The following GSN variants were observed in gnomAD, a reference collection of about 807,000 sequenced individuals.
GSN encodes gelsolin.
GSN carries 56 observed loss-of-function variants against 85.7 expected under a neutral mutation model. The observed-to-expected ratio is 0.65, with a 90% CI of 0.53 to 0.82. The LOEUF is 0.82. Among genes scored for constraint, GSN ranks in the 40% least tolerant of loss-of-function variants. GSN has a pLI of 0.00. For synonymous variants in GSN, 373 were observed against 399.1 expected (o/e 0.93, Z 0.78); for missense variants, 857 against 979.8 (o/e 0.87, Z 1.67).
At chr9:121,239,042 A>G (rs2054550608) in intron 5 of GSN, 2 of 439,334 alleles carry the variant, frequency 4.6e-6, no homozygotes, top group Admixed American at 5.1e-5. Flanking sequence ...CAGTTCAGAG[A>G]TGGGTGAATG....
rs1019405069 is a variant in GSN, at chr9:121,237,822, T to C, written c.-389+6519T>C. On this transcript the variant is annotated intron_variant, in intron 5 of 24. Transcript: ENST00000373823. ...GATAATGAGGACATTATTAGGTAAC[T>C]AACTATATCACTGTGTACAATGCAA... Among the ~76,000 whole-genome samples, 4 of 152,352 alleles carry C rather than the reference T, an allele frequency of 2.6e-5. No homozygotes were observed. The South Asian group carries it at 8.3e-4, about 32-fold the overall frequency.
chr9:121,275,925 G>A (rs1040956671), intron 1 of GSN, among the ~76,000 whole-genome samples: 4 of 152,146 alleles, frequency 2.6e-5, no homozygotes, highest in African/African-American at 7.2e-5. Flanking sequence ...ATGGCCCTTG[G>A]AATGTTTGGG....
intron 2 of GSN, among the ~76,000 whole-genome samples, chr9:121,295,681 G>T (rs1372465620): frequency 2.0e-5 from 3 of 152,174 alleles, no homozygotes; most frequent in African/African-American, 7.2e-5. Flanking sequence ...TGGAGGTCCT[G>T]GGTCAACTAC....
intron 2 of GSN, chr9:121,286,467 A>C (rs2058089733): frequency 3.8e-6 from 3 of 792,350 alleles, no homozygotes; most frequent in Non-Finnish European, 3.9e-6. Context: ...TGTGCAGGCC[A>C]CACCCCCAAG....
At chr9:121,300,148 C>T in intron 2 of GSN, 4 of 1,572,890 alleles carry the variant, frequency 2.5e-6, no homozygotes, top group Non-Finnish European at 3.5e-6. Context: ...TTGCTGCTTC[C>T]GGGGCTCTGG....
chr9:121,319,619 G>A (rs1354215999), intron 10 of GSN, among the ~76,000 whole-genome samples: 3 of 151,688 alleles, frequency 2.0e-5, no homozygotes, highest in Non-Finnish European at 2.9e-5. Flanking sequence ...CACTGCGCCC[G>A]GCCACCTGCT....
rs907664457 is a variant in GSN, at chr9:121,214,214, CTCT to C, written c.-528+3355_-528+3357del. ...CTTTCCTTCCTTCCTTCCTTCCTTCCTCTTCTTCTTTCTTCCTTCTTTCTCCTT... is the reference window on the plus strand; with the variant it reads ...CTTTCCTTCCTTCCTTCCTTCCTTCCTCTTCTTTCTTCCTTCTTTCTCCTT... On this transcript the variant is annotated intron_variant, in intron 4 of 24. Transcript: ENST00000373823. Among the ~76,000 whole-genome samples, 11 of 149,530 alleles carry C rather than the reference CTCT, an allele frequency of 7.4e-5. No homozygotes were observed. In the South Asian group the frequency reaches 1.3e-3, roughly 17 times the overall value.
chr9:121,314,272 A>C (rs949952677), intron 7 of GSN, among the ~76,000 whole-genome samples: 2 of 152,224 alleles, frequency 1.3e-5, no homozygotes, highest in Non-Finnish European at 2.9e-5. Flanking sequence ...TCAGTGTCCT[A>C]GTCTGTAAAG....
At chr9:121,253,766 A>G (rs1250632657) in intron 6 of GSN, among the ~76,000 whole-genome samples, 2 of 152,190 alleles carry the variant, frequency 1.3e-5, no homozygotes, top group Non-Finnish European at 2.9e-5. Context: ...ATCTGTGACA[A>G]TGACTCAAGT....
intron 5 of GSN, among the ~76,000 whole-genome samples, chr9:121,232,531 T>C (rs960564284): frequency 2.0e-5 from 3 of 152,194 alleles, no homozygotes; most frequent in Non-Finnish European, 2.9e-5. Context: ...GACTCCAATT[T>C]TGCAACCTTT....
intron 5 of GSN, 189 bp from the exon 6 acceptor site, chr9:121,312,150 C>T (rs917309167): frequency 1.6e-5 from 10 of 611,380 alleles, no homozygotes; most frequent in Non-Finnish European, 2.9e-5. Flanking sequence ...GCGCTCCCAT[C>T]TCCTGGTGTG....
intron 4 of GSN, among the ~76,000 whole-genome samples, chr9:121,220,200 A>G (rs1375431791): frequency 6.6e-6 from 1 of 152,126 alleles, no homozygotes; most frequent in African/African-American, 2.4e-5. Flanking sequence ...CCTTTTCTTG[A>G]GTGTGTACTT....
At chr9:121,269,873 G>T (rs965962724) in intron 1 of GSN, among the ~76,000 whole-genome samples, 1 of 152,158 alleles carries the variant, frequency 6.6e-6, no homozygotes, top group Non-Finnish European at 1.5e-5. Context: ...CTTCCTCCCC[G>T]CCTCCCTCCT....
intron 5 of GSN, among the ~76,000 whole-genome samples, chr9:121,246,468 A>G (rs941344560): frequency 2.0e-5 from 3 of 152,194 alleles, no homozygotes; most frequent in African/African-American, 4.8e-5. Context: ...CATGGACACA[A>G]ATATTGAAAC....
At chr9:121,287,545 A>G (rs1161950503) in intron 2 of GSN, among the ~76,000 whole-genome samples, 1 of 152,146 alleles carries the variant, frequency 6.6e-6, no homozygotes, top group Non-Finnish European at 1.5e-5. Context: ...CAGAGGTGTT[A>G]GGGAACTGCT....
Position 121,280,250 on chromosome 9 carries a change from G to A in GSN, c.-102-1220G>A, listed in dbSNP as rs539422938. ...CTGGAATTCTTAGTGGCGAAGAACG[G>A]TGAAGATCCAAGTTGTCCCTGAGAG... On this transcript the variant is annotated intron_variant, in intron 1 of 17. Transcript: ENST00000432226. 2.6e-5 allele frequency: 4 copies of A among 152,372 alleles called. No individual in the cohort carries two copies. In the East Asian group the frequency reaches 5.8e-4, roughly 22 times the overall value. 9.4% of individuals were successfully genotyped at this position (152,372 alleles called of 1,614,324 possible). A position where few individuals can be genotyped will look rare whatever the true frequency, so the allele number is the denominator to read the frequency against.
intron 1 of GSN, among the ~76,000 whole-genome samples, chr9:121,274,676 A>G (rs1304081002): frequency 6.6e-6 from 1 of 152,218 alleles, no homozygotes. Flanking sequence ...GCTGCAGAGC[A>G]GGGTAGGGGT....
Position 121,327,292 on chromosome 9 carries a change from A to AGCT in GSN, c.1588-14_1588-12dup, listed in dbSNP as rs2063330901. The AGCT allele has an allele frequency of 6.2e-7, 1 of 1,611,094 alleles. No individual in the cohort carries two copies. The highest frequency in any genetic ancestry group is 2.2e-5 in the East Asian group (1 of 44,850). ...TTTTTGTCTGGTTCCTGATTAACCAAGCTGTACCCTCCCAGGTATTGCCTA... is the reference window on the plus strand; with the variant it reads ...TTTTTGTCTGGTTCCTGATTAACCAAGCTGCTGTACCCTCCCAGGTATTGCCTA... On this transcript the variant is annotated splice_polypyrimidine_tract_variant and intron_variant, in intron 13 of 17. Transcript: ENST00000432226.
chr9:121,253,072 G>A (rs1346189475), intron 6 of GSN, among the ~76,000 whole-genome samples: 5 of 152,206 alleles, frequency 3.3e-5, no homozygotes, highest in Admixed American at 2.0e-4. Flanking sequence ...TGTGCCTCAC[G>A]TGGTGGGAAG....
Sources: allele counts gnomAD v4.1 joint callset (sites outside exome capture counted in the v4.1 genomes callset), GRCh38; gene constraint gnomAD v4.1.1; transcripts MANE v1.5; gene names NCBI Gene and HGNC (gene_info 2026-07-23, HGNC 2026-07-21).